The following WDR7 variants were observed in gnomAD, a reference collection of about 807,000 sequenced individuals.
WDR7 encodes WD repeat domain 7.
A neutral mutation model predicts 169.4 loss-of-function variants in WDR7; 46 were observed. The ratio of observed to expected loss-of-function variants is 0.27; its 90% CI spans 0.21 to 0.35. WDR7 has a LOEUF of 0.35. Ranked by LOEUF, WDR7 falls within the 10% of genes least tolerant of loss-of-function variation. The probability of loss-of-function intolerance (pLI) is 1.00; values close to 1 mark genes in which losing one functional copy is unlikely to be tolerated. For missense variants in WDR7, 1,534 were observed against 1,859.3 expected (o/e 0.83, Z 3.22); for synonymous variants, 612 against 666.8 (o/e 0.92, Z 1.27).
intron 16 of WDR7, among the ~76,000 whole-genome samples, chr18:56,770,438 TC>T (rs2044136498): frequency 6.6e-6 from 1 of 152,252 alleles, no homozygotes; most frequent in East Asian, 1.9e-4. Flanking sequence ...ATGAACTCTC[TC>T]CCCATGGTTC....
intron 8 of WDR7, 84 bp downstream of exon 8, chr18:56,691,445 A>G: frequency 2.2e-6 from 3 of 1,375,456 alleles, no homozygotes; most frequent in East Asian, 5.4e-5. Context: ...AAGAAAATGT[A>G]TGTATTATAA....
chr18:56,832,925 C>T (rs2045338456), intron 20 of WDR7, among the ~76,000 whole-genome samples: 1 of 152,096 alleles, frequency 6.6e-6, no homozygotes. Context: ...CAGAATGCCT[C>T]TTCTCCTCCA....
At chr18:56,957,474 A>G (rs537170587) in intron 25 of WDR7, 1 of 152,104 alleles carries the variant, frequency 6.6e-6, no homozygotes, top group East Asian at 1.9e-4. Context: ...AATGGGAAAA[A>G]AAAAAAAAAA....
intron 1 of WDR7, among the ~76,000 whole-genome samples, chr18:56,656,141 G>A (rs1214856963): frequency 6.6e-6 from 1 of 152,056 alleles, no homozygotes; most frequent in Non-Finnish European, 1.5e-5. Context: ...TGGATGGTAT[G>A]GTAAGTGTAT....
At chr18:56,721,671 T>G (rs2080681) in intron 13 of WDR7, 110,349 of 152,160 alleles carry the variant, frequency 0.73, 44,187 homozygotes, top group East Asian at 0.96. Flanking sequence ...ATATTCCCAG[T>G]AAGTATGCAG....
chr18:56,707,476 C>T (rs1451755686), intron 12 of WDR7, among the ~76,000 whole-genome samples: 1 of 150,948 alleles, frequency 6.6e-6, no homozygotes, highest in Admixed American at 6.6e-5. Flanking sequence ...AATTAAGAAC[C>T]AACAACTGGA....
intron 20 of WDR7, among the ~76,000 whole-genome samples, chr18:56,821,953 C>T (rs568145110): frequency 1.3e-5 from 2 of 152,048 alleles, no homozygotes; most frequent in Non-Finnish European, 2.9e-5. Context: ...GAGCCATGTT[C>T]GAACCACTGC....
intron 16 of WDR7, among the ~76,000 whole-genome samples, chr18:56,773,396 A>G (rs1166797549): frequency 1.3e-5 from 2 of 152,006 alleles, no homozygotes; most frequent in Non-Finnish European, 2.9e-5. Flanking sequence ...CCTTCTATTC[A>G]TGATGATAGT....
chr18:56,963,232 C>T (rs1367569389), intron 26 of WDR7, among the ~76,000 whole-genome samples: 6 of 152,038 alleles, frequency 3.9e-5, no homozygotes, highest in Non-Finnish European at 1.5e-5. Flanking sequence ...TTCACAAAAT[C>T]GGGGTTAGGC....
At chr18:56,792,962 T>C (rs1214399968) in intron 19 of WDR7, among the ~76,000 whole-genome samples, 7 of 152,216 alleles carry the variant, frequency 4.6e-5, no homozygotes, top group Non-Finnish European at 7.4e-5. Flanking sequence ...AAATATATTC[T>C]TGCTACTTCT....
chr18:56,997,841 A>T (rs1461963657), intron 26 of WDR7, among the ~76,000 whole-genome samples: 1 of 152,194 alleles, frequency 6.6e-6, no homozygotes, highest in African/African-American at 2.4e-5. Flanking sequence ...GGAGAAGGTA[A>T]TCAGCCTTTC....
rs566083871 is a variant in WDR7 at position 56,652,684 on chromosome 18, T to C, written c.-20+1108T>C. ...TATAATTAATGCTTTATTATTAATG[T>C]CAATTAGGGATTATGGTAGAAAATT... On this transcript the variant is annotated intron_variant, in intron 1 of 27. Transcript: ENST00000254442. 8.5e-5 allele frequency among the ~76,000 whole-genome samples: 13 copies of C among 152,358 alleles called. No homozygotes were observed. The South Asian group carries it at 1.9e-3, about 22-fold the overall frequency.
intron 1 of WDR7, among the ~76,000 whole-genome samples, chr18:56,661,619 G>C (rs78693445): frequency 0.028 from 4,297 of 152,210 alleles, 184 homozygotes; most frequent in African/African-American, 0.097. Context: ...TAAAGTGTCA[G>C]GCTCATTGAG....
At chr18:56,718,741 T>C (rs2026250136) in intron 13 of WDR7, among the ~76,000 whole-genome samples, 1 of 152,248 alleles carries the variant, frequency 6.6e-6, no homozygotes, top group African/African-American at 2.4e-5. Context: ...TATAACTAAA[T>C]GTTTATTGGT....
At chr18:56,723,391 G>A (rs2026367083) in intron 13 of WDR7, among the ~76,000 whole-genome samples, 2 of 151,674 alleles carry the variant, frequency 1.3e-5, no homozygotes, top group African/African-American at 2.4e-5. Context: ...TTTTCTTTTA[G>A]TGTAGGTCTG....
intron 19 of WDR7, among the ~76,000 whole-genome samples, chr18:56,805,382 T>C (rs1245127441): frequency 2.0e-5 from 3 of 152,216 alleles, no homozygotes; most frequent in Non-Finnish European, 1.5e-5. Flanking sequence ...TTTGGGATTT[T>C]ACTGTTTTGG....
intron 21 of WDR7, among the ~76,000 whole-genome samples, chr18:56,906,885 G>GA (rs548512644): frequency 1.9e-3 from 295 of 152,274 alleles, no homozygotes; most frequent in African/African-American, 6.7e-3. Context: ...TTTGCATAAT[G>GA]AAAAAGTCTA....
intron 2 of WDR7, among the ~76,000 whole-genome samples, chr18:56,675,418 G>T (rs938537811): frequency 6.6e-6 from 1 of 151,428 alleles, no homozygotes; most frequent in African/African-American, 2.4e-5. Flanking sequence ...AGAATATAAG[G>T]TTTGTATTAC....
chr18:56,731,708 A>C, intron 14 of WDR7, 111 bp downstream of exon 14: 1 of 993,866 alleles, frequency 1.0e-6, no homozygotes. Context: ...CCCTTGAAAA[A>C]TAAACTTTTG....
Sources: gnomAD v4.1 joint callset for allele counts (sites outside exome capture counted in the v4.1 genomes callset) on GRCh38, gnomAD v4.1.1 for gene constraint, MANE v1.5 for transcripts, NCBI Gene and HGNC (gene_info 2026-07-23, HGNC 2026-07-21) for gene names.